Variants in ARMC1 observed in about 807,000 individuals in gnomAD.
The protein encoded by ARMC1 is armadillo repeat containing 1, also known as armadillo repeat-containing protein 1.
ARMC1 carries 16 observed loss-of-function variants against 31.4 expected under a neutral mutation model. That is an observed-to-expected ratio of 0.51 (90% confidence interval 0.34 to 0.77). The LOEUF (loss-of-function observed/expected upper bound fraction) is 0.77. ARMC1 is among the 30% of genes least tolerant of loss of function. ARMC1 has a pLI of 0.01. For synonymous variants in ARMC1, 114 were observed against 118.9 expected (o/e 0.96, Z 0.27); for missense variants, 259 against 347.5 (o/e 0.75, Z 2.02).
intron 4 of ARMC1, among the ~76,000 whole-genome samples, chr8:65,609,501 T>C (rs1808075614): frequency 6.6e-6 from 1 of 152,118 alleles, no homozygotes; most frequent in African/African-American, 2.4e-5. Flanking sequence ...GGTCTGACAA[T>C]ATGCATATGG....
intron 4 of ARMC1, among the ~76,000 whole-genome samples, chr8:65,608,179 C>T (rs1317236324): frequency 2.0e-5 from 3 of 152,068 alleles, no homozygotes; most frequent in East Asian, 1.9e-4. Flanking sequence ...ATCATATTTA[C>T]AACTCCAGGA....
At chr8:65,618,913 C>T (rs1441952994) in intron 3 of ARMC1, among the ~76,000 whole-genome samples, 2 of 151,914 alleles carry the variant, frequency 1.3e-5, no homozygotes, top group African/African-American at 2.4e-5. Flanking sequence ...CGTGGTGGCA[C>T]GTACCTGTGG....
At chr8:65,627,679 AGC>A (rs1808544303) in intron 1 of ARMC1, among the ~76,000 whole-genome samples, 1 of 152,250 alleles carries the variant, frequency 6.6e-6, no homozygotes, top group Non-Finnish European at 1.5e-5. Flanking sequence ...ATTATGTTTT[AGC>A]ACACATATTT....
At chr8:65,617,016 G>A (rs2137702) in intron 3 of ARMC1, among the ~76,000 whole-genome samples, 96,075 of 148,926 alleles carry the variant, frequency 0.65, 30,777 homozygotes, top group African/African-American at 0.7. Context: ...GGCAGCCCCC[G>A]CCCGGCCAGC....
chr8:65,627,167 C>T (rs1215319747), intron 2 of ARMC1, 49 bp downstream of exon 2: 1 of 1,495,110 alleles, frequency 6.7e-7, no homozygotes, highest in East Asian at 2.3e-5. Flanking sequence ...AAATTCTCAC[C>T]TTAACTGCAA....
chr8:65,628,793 A>G (rs2129044311), intron 1 of ARMC1, among the ~76,000 whole-genome samples: 1 of 150,950 alleles, frequency 6.6e-6, no homozygotes, highest in East Asian at 2.0e-4. Context: ...GGAGGCAGAG[A>G]TTGCAGTGAG....
At chr8:65,611,679 G>C (rs987052096) in intron 4 of ARMC1, among the ~76,000 whole-genome samples, 1 of 151,906 alleles carries the variant, frequency 6.6e-6, no homozygotes. Flanking sequence ...TGGAGCTAAT[G>C]AATTTCCACT....
In ARMC1 at chr8:65,634,132, T is replaced by G. The variant is rs1049916450; in HGVS notation, c.-170A>C. 4 of 152,476 alleles carry G rather than the reference T, an allele frequency of 2.6e-5. No individual in the cohort carries two copies. The highest frequency in any genetic ancestry group is 2.6e-4 in the Admixed American group (4 of 15,308). The allele number at this position is 152,476 out of a possible 1,614,324, so 9.4% of individuals were successfully genotyped here. A position where few individuals can be genotyped will look rare whatever the true frequency, so the allele number is the denominator to read the frequency against. The stretch of plus-strand genomic sequence containing the variant: ...CCGCGGCGATCGCAAGCAACCGGAC[T>G]AACTCAGGGAGCCAAAGAGCGAAGG... On this transcript the variant is annotated 5_prime_UTR_variant, in exon 1 of 7. Transcript: ENST00000276569.
chr8:65,610,233 G>T (rs1808103458), intron 4 of ARMC1, among the ~76,000 whole-genome samples: 1 of 151,962 alleles, frequency 6.6e-6, no homozygotes, highest in African/African-American at 2.4e-5. Flanking sequence ...GAGTAGCTGG[G>T]ATTACAGGCG....
At chr8:65,606,600 T>C (rs1554540125) in intron 4 of ARMC1, among the ~76,000 whole-genome samples, 1 of 152,194 alleles carries the variant, frequency 6.6e-6, no homozygotes, top group Non-Finnish European at 1.5e-5. Flanking sequence ...CTCATTTTCC[T>C]AATACTCTTC....
chr8:65,606,167 C>T (rs923459821), intron 4 of ARMC1, among the ~76,000 whole-genome samples: 2 of 151,956 alleles, frequency 1.3e-5, no homozygotes, highest in Admixed American at 1.3e-4. Flanking sequence ...TCAAGACCAG[C>T]CTGGCCAATA....
chr8:65,609,291 T>C (rs1808072558), intron 4 of ARMC1, among the ~76,000 whole-genome samples: 1 of 152,170 alleles, frequency 6.6e-6, no homozygotes, highest in Non-Finnish European at 1.5e-5. Flanking sequence ...GTGTGTGCTT[T>C]GCTGGGTTTT....
At chr8:65,607,153 G>C (rs1399239405) in intron 4 of ARMC1, among the ~76,000 whole-genome samples, 1 of 152,236 alleles carries the variant, frequency 6.6e-6, no homozygotes, top group Non-Finnish European at 1.5e-5. Flanking sequence ...GGAGACGTGG[G>C]ACACGTCAGT....
intron 3 of ARMC1, among the ~76,000 whole-genome samples, chr8:65,618,709 A>G (rs1480848724): frequency 1.3e-5 from 2 of 152,032 alleles, no homozygotes; most frequent in East Asian, 3.9e-4. Context: ...GAGAACTATG[A>G]TGTCAAGAAA....
Position 65,613,350 on chromosome 8 carries a change from C to T in ARMC1, c.359G>A (p.Ser120Asn). The T allele has an allele frequency of 6.2e-7, 1 of 1,612,414 alleles. No homozygotes were observed. Among genetic ancestry groups the T allele is most frequent in the Non-Finnish European group, 8.5e-7 (1 of 1,179,380 alleles). Residue 120 changes from serine to asparagine, a missense_variant, in exon 4 of 7, where the codon AGT becomes AAT. Around this residue, in one of 3 missense-constraint regions of ARMC1, gnomAD observed 163 missense variants for 186.7 expected, o/e 0.87. Transcript: ENST00000276569. ...TCGACGTGAATTCATCTCATTAAAACTATCACCATCTGCCATATTGGAGGA... is the reference window on the plus strand; with the variant it reads ...TCGACGTGAATTCATCTCATTAAAATTATCACCATCTGCCATATTGGAGGA... ...LQSSNMADGD[S>N]FNEMNSRRRK...
intron 3 of ARMC1, among the ~76,000 whole-genome samples, chr8:65,617,986 G>A (rs1808310472): frequency 6.6e-6 from 1 of 152,016 alleles, no homozygotes; most frequent in South Asian, 2.1e-4. Flanking sequence ...CGCAATCTTG[G>A]CTCACTGCCA....
chr8:65,610,687 C>T (rs1808118583), intron 4 of ARMC1, among the ~76,000 whole-genome samples: 1 of 151,822 alleles, frequency 6.6e-6, no homozygotes, highest in Admixed American at 6.6e-5. Context: ...AAGAGCAAAA[C>T]CCCGTCTCAA....
At chr8:65,627,073 C>A in intron 2 of ARMC1, 143 bp downstream of exon 2, 1 of 667,422 alleles carries the variant, frequency 1.5e-6, no homozygotes, top group East Asian at 2.8e-5. Context: ...ACAGACCACA[C>A]ATACATATGT....
At chr8:65,623,786 C>CTT (rs201008780) in intron 2 of ARMC1, among the ~76,000 whole-genome samples, 589 of 25,980 alleles carry the variant, frequency 0.023, 38 homozygotes, top group Middle Eastern at 0.045. Flanking sequence ...AAAGTAAAAT[C>CTT]TTTTTTTTTT....
Sources: gnomAD v4.1 joint callset for allele counts (sites outside exome capture counted in the v4.1 genomes callset) on GRCh38, gnomAD v4.1.1 for gene constraint, gnomAD v4.1.1 regional missense constraint, MANE v1.5 for transcripts, NCBI Gene and HGNC (gene_info 2026-07-23, HGNC 2026-07-21) for gene names.